Variants in CCDC73 observed in about 807,000 individuals in gnomAD.
CCDC73 encodes coiled-coil domain containing 73, also known as coiled-coil domain-containing protein 73.
A neutral mutation model predicts 116.5 loss-of-function variants in CCDC73; 95 were observed. The observed-to-expected ratio is 0.82, with a 90% CI of 0.69 to 0.97. The LOEUF (loss-of-function observed/expected upper bound fraction) is 0.97. CCDC73 is among the 50% of genes least tolerant of loss of function. CCDC73 has a pLI of 0.00. For missense variants in CCDC73, 1,066 were observed against 1,206.8 expected (o/e 0.88, Z 1.73); for synonymous variants, 398 against 401.3 (o/e 0.99, Z 0.10).
chr11:32,693,925 A>C (rs1430951903), intron 6 of CCDC73, among the ~76,000 whole-genome samples: 1 of 152,220 alleles, frequency 6.6e-6, no homozygotes, highest in East Asian at 1.9e-4. Context: ...CAAAATAATA[A>C]AAGCTATTTA....
In CCDC73 at chr11:32,614,341, T is replaced by TGTTA. The variant is rs769572847; in HGVS notation, c.1976_1977insTAAC (p.Gln659HisfsTer4). The TGTTA allele has an allele frequency of 6.2e-7, 1 of 1,611,508 alleles. No homozygotes were observed. Among genetic ancestry groups the TGTTA allele is most frequent in the Non-Finnish European group, 8.5e-7 (1 of 1,178,264 alleles). ...ACAGTTGTATTTGTTTTATTTTACATTGTTTATCATCTAACATAACATTAC... is the reference window on the plus strand; with the variant it reads ...ACAGTTGTATTTGTTTTATTTTACATGTTATGTTTATCATCTAACATAACATTAC... On this transcript the variant is annotated frameshift_variant, in exon 16 of 18. Coordinates refer to ENST00000335185, the MANE Select transcript of CCDC73 (RefSeq NM_001008391.4). LOFTEE classifies it high-confidence loss of function.
chr11:32,811,780 C>T, the CCDC73 span, among the ~76,000 whole-genome samples: 1 of 152,096 alleles, frequency 6.6e-6, no homozygotes, highest in South Asian at 2.1e-4. Flanking sequence ...CAGCACCAAG[C>T]CATTCATGAG....
the CCDC73 span, chr11:32,830,267 G>T: frequency 1.0e-6 from 1 of 1,004,462 alleles, no homozygotes; most frequent in South Asian, 4.0e-5. Context: ...CATAGCGAGG[G>T]TTGCCCGCGG....
chr11:32,790,209 T>C (rs1174255701), intron 1 of CCDC73, among the ~76,000 whole-genome samples: 3 of 152,222 alleles, frequency 2.0e-5, no homozygotes, highest in African/African-American at 4.8e-5. Flanking sequence ...TGCTCTATTA[T>C]ACCAAATGCC....
chr11:32,803,489 A>T, the CCDC73 span, among the ~76,000 whole-genome samples: 2 of 152,220 alleles, frequency 1.3e-5, no homozygotes, highest in Admixed American at 6.5e-5. Context: ...ATCACTTATC[A>T]ATTTAGTTCA....
In CCDC73 at chr11:32,614,340, ATTGT is replaced by A; in HGVS notation, c.1974_1977del (p.Lys658AsnfsTer4). 1 of 1,611,512 alleles carries A rather than the reference ATTGT, an allele frequency of 6.2e-7. No individual in the cohort carries two copies. Among genetic ancestry groups the A allele is most frequent in the Non-Finnish European group, 8.5e-7 (1 of 1,178,326 alleles). On this transcript the variant is annotated frameshift_variant, in exon 16 of 18. Transcript: ENST00000335185. LOFTEE classifies it high-confidence loss of function. ...AACAGTTGTATTTGTTTTATTTTAC[ATTGT>A]TTATCATCTAACATAACATTACTTG...
chr11:32,632,185 G>A (rs535930468), intron 14 of CCDC73, among the ~76,000 whole-genome samples: 109 of 152,260 alleles, frequency 7.2e-4, no homozygotes, highest in Non-Finnish European at 1.2e-3. Context: ...TGCTGCTGAA[G>A]AGAATGTGTG....
intron 9 of CCDC73, among the ~76,000 whole-genome samples, chr11:32,670,184 T>C (rs1856022947): frequency 6.6e-6 from 1 of 152,174 alleles, no homozygotes; most frequent in African/African-American, 2.4e-5. Context: ...CCTAAAGCAA[T>C]ATACCCCTGG....
At chr11:32,766,891 T>C (rs913132314) in intron 1 of CCDC73, among the ~76,000 whole-genome samples, 14 of 152,226 alleles carry the variant, frequency 9.2e-5, no homozygotes, top group East Asian at 5.8e-4. Context: ...AATGGCCATA[T>C]TGCCCAAGGT....
At chr11:32,826,428 G>C in the CCDC73 span, among the ~76,000 whole-genome samples, 1 of 152,082 alleles carries the variant, frequency 6.6e-6, no homozygotes, top group Non-Finnish European at 1.5e-5. Flanking sequence ...AACATCTCCT[G>C]TCACAGTCCT....
At chr11:32,822,804 A>G in the CCDC73 span, among the ~76,000 whole-genome samples, 1 of 152,162 alleles carries the variant, frequency 6.6e-6, no homozygotes, top group Admixed American at 6.5e-5. Context: ...GAAATAGGAA[A>G]AAGGGAACCT....
chr11:32,797,146 G>A (rs1353344579), upstream of CCDC73, among the ~76,000 whole-genome samples: 2 of 151,846 alleles, frequency 1.3e-5, no homozygotes, highest in Non-Finnish European at 2.9e-5. Context: ...TCTATCAGCA[G>A]TTAGAAACTG....
rs1041170663 is a variant in CCDC73 at position 32,696,988 on chromosome 11, C to A, written c.390+2263G>T. The stretch of plus-strand genomic sequence containing the variant: ...AAGACTACAGGTGCTCACCACCACA[C>A]CCAGCTAATTTTTTTTTTCAGTTTT... On this transcript the variant is annotated intron_variant, in intron 6 of 17. Transcript: ENST00000335185. Among the ~76,000 whole-genome samples the A allele has an allele frequency of 4.0e-5, 6 of 151,246 alleles. 1 individual carries two copies. The South Asian group carries it at 1.1e-3, about 27-fold the overall frequency.
the CCDC73 span, chr11:32,830,128 G>C: frequency 1.0e-6 from 1 of 999,382 alleles, no homozygotes; most frequent in Non-Finnish European, 1.2e-6. Context: ...GCCCCAAGAA[G>C]AGCCTCTGGC....
the CCDC73 span, among the ~76,000 whole-genome samples, chr11:32,804,543 G>A: frequency 0.58 from 88,578 of 151,520 alleles, 26,188 homozygotes; most frequent in East Asian, 0.84. Flanking sequence ...CAGTTTTCAC[G>A]TTAATAGCCA....
chr11:32,818,956 G>A, the CCDC73 span, among the ~76,000 whole-genome samples: 4,344 of 152,174 alleles, frequency 0.029, 194 homozygotes, highest in African/African-American at 0.097. Context: ...GCTTCTTTTG[G>A]GGGCCATGAA....
intron 17 of CCDC73, among the ~76,000 whole-genome samples, chr11:32,608,137 A>G (rs1383973611): frequency 6.6e-6 from 1 of 152,140 alleles, no homozygotes; most frequent in East Asian, 1.9e-4. Flanking sequence ...AAACCATATC[A>G]TTCTGCCCCT....
chr11:32,734,402 T>G (rs1850107806), intron 2 of CCDC73, among the ~76,000 whole-genome samples: 1 of 149,726 alleles, frequency 6.7e-6, no homozygotes, highest in East Asian at 2.0e-4. Flanking sequence ...AAAGAGGGAA[T>G]CCTCCCTAAC....
At chr11:32,689,665 G>T (rs1798626082) in intron 6 of CCDC73, among the ~76,000 whole-genome samples, 1 of 151,990 alleles carries the variant, frequency 6.6e-6, no homozygotes, top group South Asian at 2.1e-4. Flanking sequence ...TAAAACATAA[G>T]TTATATGGCA....
Sources: allele counts gnomAD v4.1 joint callset (sites outside exome capture counted in the v4.1 genomes callset), GRCh38; gene constraint gnomAD v4.1.1; transcripts MANE v1.5; gene names NCBI Gene and HGNC (gene_info 2026-07-23, HGNC 2026-07-21).